Variants in DLGAP2 observed in about 807,000 individuals in gnomAD.
DLGAP2 encodes the protein DLG associated protein 2.
A neutral mutation model predicts 100.3 loss-of-function variants in DLGAP2; 26 were observed. The observed-to-expected ratio is 0.26, with a 90% CI of 0.19 to 0.36. The LOEUF is 0.36. DLGAP2 is among the 10% of genes least tolerant of loss of function. DLGAP2 has a pLI of 1.00. For missense variants in DLGAP2, 1,858 were observed against 1,453.2 expected, an observed-to-expected ratio of 1.28 and a Z score of -4.53; for synonymous variants, 886 against 630.1, an observed-to-expected ratio of 1.41 and a Z score of -6.08.
At chr8:1,146,704 GC>G (rs1563215689) in intron 2 of DLGAP2, among the ~76,000 whole-genome samples, 2 of 152,016 alleles carry the variant, frequency 1.3e-5, no homozygotes, top group Admixed American at 1.3e-4. Context: ...GAGAGGGGGG[GC>G]TACATTCATT....
intron 3 of DLGAP2, among the ~76,000 whole-genome samples, chr8:1,265,803 G>C (rs1267363272): frequency 1.3e-5 from 2 of 152,166 alleles, no homozygotes; most frequent in Non-Finnish European, 2.9e-5. Context: ...ACAATAAAGA[G>C]AGTGAATAGA....
intron 3 of DLGAP2, among the ~76,000 whole-genome samples, chr8:1,494,490 G>A (rs1799488173): frequency 6.6e-6 from 1 of 152,184 alleles, no homozygotes; most frequent in Admixed American, 6.5e-5. Flanking sequence ...CAGCACTTTG[G>A]GAGGCCAAGG....
At chr8:1,664,733 C>T (rs1798500819) in intron 8 of DLGAP2, among the ~76,000 whole-genome samples, 1 of 152,186 alleles carries the variant, frequency 6.6e-6, no homozygotes, top group African/African-American at 2.4e-5. Context: ...AAAAACAATA[C>T]TCTTTCACAA....
chr8:949,432 A>G (rs949537657), intron 2 of DLGAP2, among the ~76,000 whole-genome samples: 20 of 151,842 alleles, frequency 1.3e-4, no homozygotes, highest in Admixed American at 1.3e-3. Flanking sequence ...TCCAGGAGAG[A>G]GGATGAGGAG....
At position 1,706,146 on chromosome 8, in the gene DLGAP2, C is replaced by T. The variant is rs945430202; in HGVS notation, c.*4740C>T. On this transcript the variant is annotated 3_prime_UTR_variant, in exon 15 of 15. Transcript: ENST00000637795. Reference sequence around the variant, plus strand: ...ACATTCGGCTGAATGTCCCCCAGTGCAGGGTGGCAGCAGAATGTTCTGGAA... The same window carrying T: ...ACATTCGGCTGAATGTCCCCCAGTGTAGGGTGGCAGCAGAATGTTCTGGAA... The T allele has an allele frequency of 6.6e-6, 1 of 152,246 alleles. No individual in the cohort carries two copies. The highest frequency in any genetic ancestry group is 1.5e-5 in the Non-Finnish European group (1 of 68,042). 9.4% of individuals were successfully genotyped at this position (152,246 alleles called of 1,614,324 possible).
intron 2 of DLGAP2, among the ~76,000 whole-genome samples, chr8:1,011,194 G>T (rs1261381675): frequency 1.3e-5 from 2 of 150,632 alleles, no homozygotes; most frequent in Non-Finnish European, 2.9e-5. Context: ...CCTGGAATGA[G>T]GGGTCTCAGT....
chr8:905,571 A>G (rs1349478426), intron 1 of DLGAP2, among the ~76,000 whole-genome samples: 1 of 152,072 alleles, frequency 6.6e-6, no homozygotes, highest in Non-Finnish European at 1.5e-5. Context: ...TGAGGTTTGC[A>G]GTTCTGTGGA....
chr8:894,740 T>G (rs961030175), intron 1 of DLGAP2, among the ~76,000 whole-genome samples: 27 of 61,910 alleles, frequency 4.4e-4, no homozygotes, highest in South Asian at 6.7e-4. Context: ...CAGGGCAGGG[T>G]GGGGAGAGCG....
chr8:1,659,877 C>G (rs1475548714), intron 8 of DLGAP2, among the ~76,000 whole-genome samples: 5 of 152,134 alleles, frequency 3.3e-5, no homozygotes, highest in Admixed American at 2.0e-4. Flanking sequence ...GAATTAGATC[C>G]TATCATTATG....
At chr8:1,438,628 A>G (rs1418674416) in intron 3 of DLGAP2, among the ~76,000 whole-genome samples, 1 of 152,220 alleles carries the variant, frequency 6.6e-6, no homozygotes, top group African/African-American at 2.4e-5. Context: ...TATTTTATAC[A>G]TGGAGAAAAA....
intron 2 of DLGAP2, among the ~76,000 whole-genome samples, chr8:1,235,575 GCACCA>G (rs1382670173): frequency 1.5e-5 from 2 of 130,570 alleles, no homozygotes; most frequent in Admixed American, 7.3e-5. Context: ...CTCTCACATG[GCACCA>G]TGTCTAGTTC....
At position 1,599,852 on chromosome 8, in the gene DLGAP2, G is replaced by T. The variant is rs1796570734; in HGVS notation, c.1443-26888G>T. Among the ~76,000 whole-genome samples the T allele has an allele frequency of 2.0e-5, 3 of 151,980 alleles. No homozygotes were observed. In the South Asian group the frequency reaches 6.2e-4, roughly 32 times the overall value. ...TTTGCCAGTTTGTGTCTTTTAACTG[G>T]GACATTTAGCCTGTTTACATTTAAC... is the stretch of plus-strand genomic sequence containing the variant. On this transcript the variant is annotated intron_variant, in intron 6 of 14. Coordinates refer to ENST00000637795, the MANE Select transcript of DLGAP2 (RefSeq NM_001346810.2).
intron 4 of DLGAP2, among the ~76,000 whole-genome samples, chr8:1,519,040 G>A (rs1434336699): frequency 6.6e-6 from 1 of 152,166 alleles, no homozygotes; most frequent in Non-Finnish European, 1.5e-5. Flanking sequence ...TCAACAACGA[G>A]CCACAGATAG....
chr8:1,050,228 G>C (rs777332996), intron 2 of DLGAP2, among the ~76,000 whole-genome samples: 1 of 152,166 alleles, frequency 6.6e-6, no homozygotes, highest in Admixed American at 6.5e-5. Flanking sequence ...TACAGTCCCC[G>C]ATTTAACCAT....
chr8:1,130,577 A>T (rs897361448), intron 2 of DLGAP2, among the ~76,000 whole-genome samples: 1 of 152,096 alleles, frequency 6.6e-6, no homozygotes. Context: ...CCCAACTGTA[A>T]CTGGTCCCTG....
At chr8:1,187,917 C>A (rs1275702382) in intron 2 of DLGAP2, among the ~76,000 whole-genome samples, 1 of 127,114 alleles carries the variant, frequency 7.9e-6, no homozygotes, top group Non-Finnish European at 1.5e-5. Context: ...GTGACATTTG[C>A]CTCACGGAAT....
At chr8:796,680 A>T (rs866593881) in intron 1 of DLGAP2, among the ~76,000 whole-genome samples, 1 of 151,942 alleles carries the variant, frequency 6.6e-6, no homozygotes, top group African/African-American at 2.4e-5. Flanking sequence ...CTGCTTCCCT[A>T]TTTAAACTCC....
chr8:1,148,926 C>G (rs960325560), intron 2 of DLGAP2, among the ~76,000 whole-genome samples: 3 of 152,114 alleles, frequency 2.0e-5, no homozygotes, highest in Admixed American at 2.0e-4. Flanking sequence ...CTCTATGTAT[C>G]AATAATTCAG....
intron 6 of DLGAP2, among the ~76,000 whole-genome samples, chr8:1,585,758 C>G (rs544567959): frequency 2.0e-5 from 3 of 152,194 alleles, no homozygotes; most frequent in Non-Finnish European, 4.4e-5. Flanking sequence ...TCCATACACT[C>G]GCAGTCCATT....
Sources: allele counts gnomAD v4.1 joint callset (sites outside exome capture counted in the v4.1 genomes callset), GRCh38; gene constraint gnomAD v4.1.1; transcripts MANE v1.5; gene names NCBI Gene and HGNC (gene_info 2026-07-23, HGNC 2026-07-21).